The following HBS1L variants were observed in gnomAD, a reference collection of about 807,000 sequenced individuals.
HBS1L encodes HBS1 like translational GTPase.
Under a neutral mutation model 88.9 loss-of-function variants are expected in HBS1L, and 55 were observed. That is an observed-to-expected ratio of 0.62 (90% CI 0.50 to 0.77). HBS1L has a LOEUF of 0.77. Among genes scored for constraint, HBS1L ranks in the 30% least tolerant of loss-of-function variants. HBS1L has a pLI of 0.00. For synonymous variants in HBS1L, 267 were observed against 288.5 expected (o/e 0.93, Z 0.76); for missense variants, 741 against 829.3 (o/e 0.89, Z 1.31).
chr6:135,003,212 ATTGT>A (rs986838694), intron 4 of HBS1L, among the ~76,000 whole-genome samples: 1 of 152,088 alleles, frequency 6.6e-6, no homozygotes, highest in Non-Finnish European at 1.5e-5. Flanking sequence ...CAATACTAAA[ATTGT>A]TTGGTCAGTT....
rs763660928 is a variant in HBS1L at position 134,963,281 on chromosome 6, T to C, written c.*1998A>G. On this transcript the variant is annotated 3_prime_UTR_variant, in exon 18 of 18. Coordinates refer to ENST00000367837, the MANE Select transcript of HBS1L (RefSeq NM_006620.4). Reference sequence around the variant, plus strand: ...AGTATTAATAAATAAAATTCAATCATAGTCAATGATGAGATGTTTCTAGGA... The same window carrying C: ...AGTATTAATAAATAAAATTCAATCACAGTCAATGATGAGATGTTTCTAGGA... The C allele has an allele frequency of 6.6e-6, 1 of 152,190 alleles. No individual in the cohort carries two copies. The highest frequency in any genetic ancestry group is 1.5e-5 in the Non-Finnish European group (1 of 68,018). 9.4% of individuals were successfully genotyped at this position (152,190 alleles called of 1,614,324 possible).
chr6:134,979,351 G>T, intron 13 of HBS1L, 83 bp from the exon 14 acceptor site: 1 of 932,308 alleles, frequency 1.1e-6, no homozygotes, highest in Non-Finnish European at 1.7e-6. Context: ...GCTGATTTGT[G>T]CTTCATCAGT....
chr6:135,036,287 T>C (rs761658785), intron 4 of HBS1L: 188 of 1,020,480 alleles, frequency 1.8e-4, no homozygotes, highest in Middle Eastern at 4.4e-4. Flanking sequence ...AACAAAAATA[T>C]ATGAGGTCTG....
At chr6:135,014,272 C>T (rs1186315193) in intron 4 of HBS1L, among the ~76,000 whole-genome samples, 1 of 152,198 alleles carries the variant, frequency 6.6e-6, no homozygotes, top group Non-Finnish European at 1.5e-5. Context: ...CATAAAGGAA[C>T]TCTGCTTCCT....
intron 1 of HBS1L, among the ~76,000 whole-genome samples, chr6:135,051,164 G>A (rs958979754): frequency 2.0e-5 from 3 of 152,004 alleles, no homozygotes; most frequent in East Asian, 1.9e-4. Context: ...AGGCAAGGTT[G>A]CAGTGAGCCA....
At chr6:135,026,662 A>G (rs1456261493) in intron 4 of HBS1L, among the ~76,000 whole-genome samples, 1 of 152,208 alleles carries the variant, frequency 6.6e-6, no homozygotes, top group Non-Finnish European at 1.5e-5. Context: ...AATAAAACTT[A>G]GAGAAAGCAG....
chr6:135,025,517 A>ATG (rs1776202130), intron 4 of HBS1L, among the ~76,000 whole-genome samples: 1 of 152,216 alleles, frequency 6.6e-6, no homozygotes, highest in South Asian at 2.1e-4. Flanking sequence ...CAAAATTGAC[A>ATG]ATGCTGACAA....
At chr6:135,019,904 G>T (rs1261040199) in intron 4 of HBS1L, among the ~76,000 whole-genome samples, 2 of 151,762 alleles carry the variant, frequency 1.3e-5, no homozygotes, top group African/African-American at 2.4e-5. Flanking sequence ...ATTGTTTAGG[G>T]ACTGCTATGT....
intron 4 of HBS1L, among the ~76,000 whole-genome samples, chr6:135,007,874 T>C (rs1404295598): frequency 2.0e-5 from 3 of 152,306 alleles, no homozygotes; most frequent in Non-Finnish European, 4.4e-5. Flanking sequence ...AAATAAGTAC[T>C]GGATGAAAAA....
chr6:134,994,150 G>C (rs1414554644), intron 7 of HBS1L, among the ~76,000 whole-genome samples: 1 of 152,038 alleles, frequency 6.6e-6, no homozygotes, highest in African/African-American at 2.4e-5. Flanking sequence ...GTAAGAAATA[G>C]TGTAAATTGT....
At chr6:134,985,512 C>G (rs1440497954) in intron 11 of HBS1L, 103 bp from the exon 12 acceptor site, 16 of 671,240 alleles carry the variant, frequency 2.4e-5, no homozygotes, top group African/African-American at 3.7e-5. Flanking sequence ...AAAATAACTA[C>G]TTTTTATAAT....
intron 17 of HBS1L, among the ~76,000 whole-genome samples, chr6:134,965,780 G>A (rs1232024150): frequency 6.6e-6 from 1 of 152,026 alleles, no homozygotes; most frequent in South Asian, 2.1e-4. Flanking sequence ...ACCCCACACC[G>A]CCTTCCATAT....
chr6:135,011,074 G>A (rs1229272083), intron 4 of HBS1L, among the ~76,000 whole-genome samples: 1 of 152,090 alleles, frequency 6.6e-6, no homozygotes. Flanking sequence ...GGGAACACTG[G>A]CAATTCATTT....
At chr6:135,013,548 T>C (rs1024506217) in intron 4 of HBS1L, among the ~76,000 whole-genome samples, 5 of 152,176 alleles carry the variant, frequency 3.3e-5, no homozygotes, top group African/African-American at 1.2e-4. Flanking sequence ...AATTTAAGCG[T>C]TGGAGAAACA....
At chr6:134,980,326 T>C (rs1480502585) in intron 13 of HBS1L, among the ~76,000 whole-genome samples, 1 of 151,990 alleles carries the variant, frequency 6.6e-6, no homozygotes, top group Non-Finnish European at 1.5e-5. Flanking sequence ...TATGTGCACA[T>C]CTGCATTAAT....
chr6:134,989,880 T>C (rs1260845417), intron 8 of HBS1L, among the ~76,000 whole-genome samples: 1 of 152,164 alleles, frequency 6.6e-6, no homozygotes, highest in African/African-American at 2.4e-5. Context: ...TATTGGCTCT[T>C]TCATGCATAC....
At chr6:134,972,939 ATTTAATGTGTT>A (rs1774531369) in intron 15 of HBS1L, among the ~76,000 whole-genome samples, 1 of 152,212 alleles carries the variant, frequency 6.6e-6, no homozygotes, top group Non-Finnish European at 1.5e-5. Flanking sequence ...AAAACTTGTT[ATTTAATGTGTT>A]GACAAGAAAG....
intron 7 of HBS1L, among the ~76,000 whole-genome samples, 194 bp from the exon 8 acceptor site, chr6:134,994,069 T>A (rs1775221620): frequency 6.6e-6 from 1 of 152,148 alleles, no homozygotes; most frequent in African/African-American, 2.4e-5. Context: ...CATATGGTTT[T>A]AACATAAAAG....
intron 4 of HBS1L, among the ~76,000 whole-genome samples, chr6:135,034,934 T>C (rs1027395319): frequency 6.6e-6 from 1 of 152,262 alleles, no homozygotes; most frequent in African/African-American, 2.4e-5. Context: ...CCACAGAGAC[T>C]GCTTCAGCAT....
Sources: allele counts gnomAD v4.1 joint callset (sites outside exome capture counted in the v4.1 genomes callset), GRCh38; gene constraint gnomAD v4.1.1; transcripts MANE v1.5; gene names NCBI Gene and HGNC (gene_info 2026-07-23, HGNC 2026-07-21).